Variants in DTD1 observed in about 807,000 individuals in gnomAD.
DTD1 encodes the protein D-aminoacyl-tRNA deacylase 1.
Under a neutral mutation model 25.6 loss-of-function variants are expected in DTD1, and 13 were observed. The ratio of observed to expected loss-of-function variants is 0.51; its 90% confidence interval spans 0.33 to 0.81. DTD1 has a LOEUF of 0.81. Among genes scored for constraint, DTD1 ranks in the 30% least tolerant of loss-of-function variants. The probability of loss-of-function intolerance (pLI) is 0.02; values close to 1 mark genes in which losing one functional copy is unlikely to be tolerated. For synonymous variants in DTD1, 110 were observed against 103.6 expected (o/e 1.06, Z -0.37); for missense variants, 193 against 266.4 (o/e 0.72, Z 1.92).
chr20:18,600,586 G>A (rs1040460071), intron 3 of DTD1, among the ~76,000 whole-genome samples: 1 of 152,024 alleles, frequency 6.6e-6, no homozygotes, highest in African/African-American at 2.4e-5. Context: ...ACCATTCTGG[G>A]TCTTTTGCTT....
At position 18,749,560 on chromosome 20, in the gene DTD1, T is replaced by A. The variant is rs2061314051; in HGVS notation, c.*19+5289T>A. Among the ~76,000 whole-genome samples, 1 of 152,166 alleles carries A rather than the reference T, an allele frequency of 6.6e-6. No individual in the cohort carries two copies. Among genetic ancestry groups the A allele is most frequent in the Non-Finnish European group, 1.5e-5 (1 of 68,020 alleles). On this transcript the variant is annotated intron_variant, in intron 5 of 5. Coordinates refer to ENST00000377452, the MANE Select transcript of DTD1 (RefSeq NM_080820.6). This position sits in a 1 kb window ranked among gnomAD's most constrained non-coding sequence, Gnocchi z 4.2. ...TCAGCTGTGACCTCCACTGGCCTCC[T>A]GGATGAGACTTGCAGGGGTCTGTCA...
intron 3 of DTD1, among the ~76,000 whole-genome samples, chr20:18,597,154 AGTGTGTGTGTGTGTGTGT>A (rs4052788): frequency 8.5e-4 from 122 of 143,544 alleles, no homozygotes; most frequent in African/African-American, 2.4e-3. Context: ...GATGAGAGAA[AGTGTGTGTGTGTGTGTGT>A]GTGTGTGTGT....
intron 4 of DTD1, chr20:18,632,506 C>G (rs919910064): frequency 2.0e-6 from 2 of 985,282 alleles, no homozygotes; most frequent in African/African-American, 3.5e-5. Flanking sequence ...GAGCAAATAG[C>G]TAATTTGCTT....
chr20:18,727,463 G>A (rs1330749469), intron 4 of DTD1, among the ~76,000 whole-genome samples: 1 of 150,930 alleles, frequency 6.6e-6, no homozygotes, highest in Non-Finnish European at 1.5e-5. Flanking sequence ...GTGGACTTCT[G>A]TAACACCTTG....
intron 4 of DTD1, among the ~76,000 whole-genome samples, chr20:18,695,251 G>A (rs1379928224): frequency 6.6e-6 from 1 of 151,880 alleles, no homozygotes; most frequent in Non-Finnish European, 1.5e-5. Flanking sequence ...TTGCCTGGGA[G>A]AAAATGAGAT....
chr20:18,618,830 A>G (rs927441676), intron 3 of DTD1, among the ~76,000 whole-genome samples: 2 of 151,716 alleles, frequency 1.3e-5, no homozygotes, highest in Non-Finnish European at 2.9e-5. Flanking sequence ...CTCCTGCCTC[A>G]GCCTCCCGAG....
rs571555720 is a variant in DTD1, at chr20:18,664,901, C to T, written c.477+36668C>T. Among the ~76,000 whole-genome samples, 9 of 151,720 alleles carry T rather than the reference C, an allele frequency of 5.9e-5. No homozygotes were observed. In the South Asian group the frequency reaches 1.0e-3, roughly 18 times the overall value. On this transcript the variant is annotated intron_variant, in intron 4 of 5. Transcript: ENST00000377452. ...TGCCTCAAATCCCATCTTCCCCCAC[C>T]TCTTCCTTAAGGGAGACCTGGGTAC... is the stretch of plus-strand genomic sequence containing the variant.
In DTD1 at chr20:18,764,171, G is replaced by T. The variant is rs1197327726; in HGVS notation, c.*831G>T. 1 of 152,184 alleles carries T rather than the reference G, an allele frequency of 6.6e-6. No homozygotes were observed. The highest frequency in any genetic ancestry group is 1.5e-5 in the Non-Finnish European group (1 of 68,052). The allele number at this position is 152,184 out of a possible 1,614,324, so 9.4% of individuals were successfully genotyped here. ...AGTCCAGTTTCAGAATGGCCACACT[G>T]TTCTGAGACCAAGTGTGGAGCCACA... On this transcript the variant is annotated 3_prime_UTR_variant, in exon 6 of 6. Coordinates refer to ENST00000377452, the MANE Select transcript of DTD1 (RefSeq NM_080820.6).
chr20:18,631,567 G>C (rs1337779316), intron 4 of DTD1: 1 of 985,244 alleles, frequency 1.0e-6, no homozygotes, highest in East Asian at 1.1e-4. Context: ...AGTGTCCTTG[G>C]GTCTGTAAAG....
At chr20:18,726,265 T>C (rs1170048043) in intron 4 of DTD1, among the ~76,000 whole-genome samples, 1 of 152,208 alleles carries the variant, frequency 6.6e-6, no homozygotes, top group Non-Finnish European at 1.5e-5. Context: ...CATTTTCTTT[T>C]CAGGCTTCGT....
intron 5 of DTD1, among the ~76,000 whole-genome samples, chr20:18,760,822 T>A (rs1170901563): frequency 6.6e-6 from 1 of 152,220 alleles, no homozygotes; most frequent in Non-Finnish European, 1.5e-5. Flanking sequence ...GTCTGTGCCC[T>A]GTCCCCAGAG....
At chr20:18,594,598 C>T (rs1273878333) in intron 2 of DTD1, among the ~76,000 whole-genome samples, 4 of 152,190 alleles carry the variant, frequency 2.6e-5, no homozygotes, top group Middle Eastern at 3.2e-3. Flanking sequence ...ATTTATTCTG[C>T]CCCTTGGTGC....
intron 3 of DTD1, among the ~76,000 whole-genome samples, chr20:18,606,130 C>G (rs1390686921): frequency 1.3e-5 from 2 of 150,732 alleles, no homozygotes; most frequent in South Asian, 4.2e-4. Context: ...CATGAACAGA[C>G]AATTCTCAAA....
At chr20:18,679,002 G>A (rs2060986578) in intron 4 of DTD1, 1 of 152,208 alleles carries the variant, frequency 6.6e-6, no homozygotes, top group Admixed American at 6.6e-5. Flanking sequence ...GGAAGAAAAA[G>A]CTAGTGAGAC....
chr20:18,589,012 A>G, intron 1 of DTD1: 1 of 466,852 alleles, frequency 2.1e-6, no homozygotes, highest in Middle Eastern at 1.1e-3. Context: ...CCTTGGAGCC[A>G]GTCTGCACCA....
chr20:18,645,532 G>A (rs1735297342), intron 4 of DTD1, among the ~76,000 whole-genome samples: 1 of 152,212 alleles, frequency 6.6e-6, no homozygotes, highest in South Asian at 2.1e-4. Flanking sequence ...CTGTTGTTGG[G>A]TGTTTTTGTT....
chr20:18,631,064 G>T (rs990677742), intron 4 of DTD1: 4 of 985,268 alleles, frequency 4.1e-6, no homozygotes, highest in Admixed American at 6.2e-5. Flanking sequence ...CCCCTTGTCT[G>T]TCCTCTGGCT....
chr20:18,682,990 G>T (rs60029899), intron 4 of DTD1, among the ~76,000 whole-genome samples: 1,705 of 152,256 alleles, frequency 0.011, 28 homozygotes, highest in African/African-American at 0.031. Flanking sequence ...TTTTCATTAT[G>T]AGGAAAACAG....
At position 18,708,322 on chromosome 20, in the gene DTD1, A is replaced by T. The variant is rs1317797917; in HGVS notation, c.478-35778A>T. On this transcript the variant is annotated intron_variant, in intron 4 of 5. Coordinates refer to ENST00000377452, the MANE Select transcript of DTD1 (RefSeq NM_080820.6). ...AATATATATATTTTATATATATATT[A>T]TATATATATATTTTATATATATATT... is the stretch of plus-strand genomic sequence containing the variant. Among the ~76,000 whole-genome samples the T allele has an allele frequency of 1.9e-4, 8 of 41,490 alleles. 1 individual carries two copies. The highest frequency in any genetic ancestry group is 5.3e-4 in the South Asian group (1 of 1,872). The allele number at this position is 41,490 out of a possible 152,430, so 27.2% of individuals were successfully genotyped here. A position where few individuals can be genotyped will look rare whatever the true frequency, so the allele number is the denominator to read the frequency against.
Sources: allele counts gnomAD v4.1 joint callset (sites outside exome capture counted in the v4.1 genomes callset), GRCh38; gene constraint gnomAD v4.1.1; non-coding constraint Gnocchi (gnomAD v3.1); transcripts MANE v1.5; gene names NCBI Gene and HGNC (gene_info 2026-07-23, HGNC 2026-07-21).